The following LRRC45 variants were observed in gnomAD, a reference collection of about 807,000 sequenced individuals.
LRRC45 encodes the protein leucine-rich repeat-containing protein 45.
Under a neutral mutation model 85.4 loss-of-function variants are expected in LRRC45, and 73 were observed. That is an observed-to-expected ratio of 0.85 (90% CI 0.71 to 1.04). The LOEUF is 1.04. LRRC45 is among the 50% of genes least tolerant of loss of function. The probability of loss-of-function intolerance (pLI) is 0.00; values close to 1 mark genes in which losing one functional copy is unlikely to be tolerated. For missense variants in LRRC45, 937 were observed against 883.3 expected, an observed-to-expected ratio of 1.06 and a Z score of -0.77; for synonymous variants, 429 against 386.0, an observed-to-expected ratio of 1.11 and a Z score of -1.31.
At position 82,023,862 on chromosome 17, in the gene LRRC45, A is replaced by G; in HGVS notation, c.219A>G (p.Glu73=). The G allele has an allele frequency of 6.4e-7, 1 of 1,555,418 alleles. No homozygotes were observed. Among genetic ancestry groups the G allele is most frequent in the Non-Finnish European group, 8.7e-7 (1 of 1,151,914 alleles). Residue 73 remains glutamate (E), a splice_region_variant and synonymous_variant, in exon 1 of 17, where the codon GAA becomes GAG. Transcript: ENST00000306688. ...LVLSDCMLSE[E]GATLLLRGLC... Reference sequence around the variant, plus strand: ...TGAGTGACTGCATGCTCAGCGAGGAAGGTGGGCAGGCGCGGCGGGGTGGAT... The same window carrying G: ...TGAGTGACTGCATGCTCAGCGAGGAGGGTGGGCAGGCGCGGCGGGGTGGAT...
At chr17:82,028,800 C>T in intron 12 of LRRC45, 117 bp downstream of exon 12, 1 of 1,180,290 alleles carries the variant, frequency 8.5e-7, no homozygotes, top group Non-Finnish European at 1.2e-6. Flanking sequence ...CACTGGGTGG[C>T]CGTATTTTGC....
intron 12 of LRRC45, 113 bp downstream of exon 12, chr17:82,028,796 G>C: frequency 8.1e-7 from 1 of 1,234,406 alleles, no homozygotes; most frequent in Non-Finnish European, 1.1e-6. Flanking sequence ...GGGTCACTGG[G>C]TGGCCGTATT....
At chr17:82,027,598 C>G in intron 7 of LRRC45, 76 bp from the exon 8 acceptor site, 1 of 1,540,946 alleles carries the variant, frequency 6.5e-7, no homozygotes, top group Admixed American at 1.8e-5. Flanking sequence ...GGAACAGCAG[C>G]AGCTACCGAG....
At chr17:82,028,962 T>C (rs2043392121) in intron 12 of LRRC45, 131 bp from the exon 13 acceptor site, 1 of 850,744 alleles carries the variant, frequency 1.2e-6, no homozygotes, top group Non-Finnish European at 1.9e-6. Flanking sequence ...TGCTAGGCCA[T>C]CTGAGGCAGT....
In LRRC45 at chr17:82,023,513, C is replaced by G. The variant is rs1055798929; in HGVS notation, c.-131C>G. On this transcript the variant is annotated 5_prime_UTR_variant, in exon 1 of 17. Coordinates refer to ENST00000306688, the MANE Select transcript of LRRC45 (RefSeq NM_144999.4). ...GGACCTCCCGCCCGCGGAGCCCACT[C>G]GGATTGCTCTCCGCCCGGGTCGGCG... 2.0e-5 allele frequency: 16 copies of G among 802,666 alleles called. No homozygotes were observed. Among genetic ancestry groups the G allele is most frequent in the Non-Finnish European group, 3.0e-5 (16 of 532,226 alleles). 49.7% of individuals were successfully genotyped at this position (802,666 alleles called of 1,614,324 possible).
chr17:82,027,118 C>A (rs2043374857), intron 6 of LRRC45, 107 bp downstream of exon 6: 1 of 1,038,706 alleles, frequency 9.6e-7, no homozygotes, highest in Non-Finnish European at 1.4e-6. Flanking sequence ...TTCCTCGGGG[C>A]CCTGGAGCCT....
Position 82,024,684 on chromosome 17 carries a change from C to A in LRRC45, c.283-9C>A. 6.4e-7 allele frequency: 1 copy of A among 1,569,946 alleles called. No individual in the cohort carries two copies. Among genetic ancestry groups the A allele is most frequent in the Non-Finnish European group, 8.6e-7 (1 of 1,161,896 alleles). Reference sequence around the variant, plus strand: ...CACGCGAGTGACTACCGGCCTGTTTCTCTCCTAGGGCAACAACCTTCGGGC... The same window carrying A: ...CACGCGAGTGACTACCGGCCTGTTTATCTCCTAGGGCAACAACCTTCGGGC... On this transcript the variant is annotated splice_polypyrimidine_tract_variant and intron_variant, in intron 2 of 16. Transcript: ENST00000306688.
Position 82,031,103 on chromosome 17 carries a change from C to A in LRRC45, c.*298C>A. 1 of 357,300 alleles carries A rather than the reference C, an allele frequency of 2.8e-6. No homozygotes were observed. Among genetic ancestry groups the A allele is most frequent in the Non-Finnish European group, 5.0e-6 (1 of 199,216 alleles). The allele number at this position is 357,300 out of a possible 1,614,324, so 22.1% of individuals were successfully genotyped here. A position where few individuals can be genotyped will look rare whatever the true frequency, so the allele number is the denominator to read the frequency against. On this transcript the variant is annotated 3_prime_UTR_variant, in exon 17 of 17. Transcript: ENST00000306688. ...GATGTCACCGTGAACGCTGCGGCCGCCTGCGCGCGGCGGGGTTTGGAAATA... is the reference window on the plus strand; with the variant it reads ...GATGTCACCGTGAACGCTGCGGCCGACTGCGCGCGGCGGGGTTTGGAAATA...
rs1337059876 is a variant in LRRC45, at chr17:82,029,094, T to C, written c.1310T>C (p.Val437Ala). 2 of 1,612,050 alleles carry C rather than the reference T, an allele frequency of 1.2e-6. No individual in the cohort carries two copies. Among genetic ancestry groups the C allele is most frequent in the African/African-American group, 2.7e-5 (2 of 74,864 alleles). The change falls in exon 13 of 17, where the codon GTG becomes GCG. Residue 437 changes from valine (V) to alanine (A), a missense_variant and splice_region_variant. Coordinates refer to ENST00000306688, the MANE Select transcript of LRRC45 (RefSeq NM_144999.4). The part of the protein sequence containing the change: ...EDSESLRIKE[V>A]EHMTRHLEES... ...CCCACAATCCCTGCCCCTGAGCAGG[T>C]GGAGCATATGACCCGTCACCTGGAG...
rs1244992325 is a variant in LRRC45, at chr17:82,030,759, C to T, written c.1967C>T (p.Ala656Val). Residue 656 changes from alanine (A) to valine (V), a missense_variant, in exon 17 of 17, where the codon GCT becomes GTT. Coordinates refer to ENST00000306688, the MANE Select transcript of LRRC45 (RefSeq NM_144999.4). The part of the protein sequence containing the change: ...RASFLQNAVL[A>V]YVQASPVRTL... Reference sequence around the variant, plus strand: ...AGCTTCCTGCAGAACGCCGTCCTGGCTTACGTGCAGGCGTCCCCCGTGAGG... The same window carrying T: ...AGCTTCCTGCAGAACGCCGTCCTGGTTTACGTGCAGGCGTCCCCCGTGAGG... The T allele has an allele frequency of 6.9e-7, 1 of 1,454,882 alleles. No individual in the cohort carries two copies. Among genetic ancestry groups the T allele is most frequent in the Admixed American group, 2.2e-5 (1 of 44,864 alleles). The allele number at this position is 1,454,882 out of a possible 1,614,324, so 90.1% of individuals were successfully genotyped here.
In LRRC45 at chr17:82,030,219, G is replaced by C. The variant is rs535685763; in HGVS notation, c.1649G>C (p.Arg550Pro). 3 of 1,535,478 alleles carry C rather than the reference G, an allele frequency of 2.0e-6. No homozygotes were observed. The highest frequency in any genetic ancestry group is 2.6e-6 in the Non-Finnish European group (3 of 1,137,668). ...CTGCAAGTTGAGGGCCTGCGGCGGC[G>C]CCTGGAAGAGCTGCAGCAGGTAGGC... Reference protein sequence around the residue: ...LGLQVEGLRRRLEELQQELSL... With the variant: ...LGLQVEGLRRPLEELQQELSL... The change falls in exon 15 of 17, where the codon CGC becomes CCC. Residue 550 changes from arginine (R) to proline (P), a missense_variant. Arg to Pro is a moderately radical substitution (Grantham distance 103). Transcript: ENST00000306688.
At chr17:82,030,508 G>A (rs369485441) in intron 16 of LRRC45, 42 bp downstream of exon 16, 81 of 1,528,364 alleles carry the variant, frequency 5.3e-5, no homozygotes, top group Non-Finnish European at 6.4e-5. Context: ...CTGGTGGGAC[G>A]TGAGGCCAGC....
intron 2 of LRRC45, 110 bp downstream of exon 2, chr17:82,024,449 G>A: frequency 7.7e-7 from 1 of 1,296,326 alleles, no homozygotes; most frequent in Non-Finnish European, 1.1e-6. Flanking sequence ...GCTGGAAGCT[G>A]TCTGTGAGTC....
At chr17:82,025,539 G>A in intron 5 of LRRC45, 32 bp downstream of exon 5, 3 of 1,513,794 alleles carry the variant, frequency 2.0e-6, no homozygotes, top group African/African-American at 1.4e-5. Context: ...AGTGACGCGT[G>A]AGCCTTTGAC....
In LRRC45 at chr17:82,028,014, G is replaced by A; in HGVS notation, c.915G>A (p.Leu305=). 6.2e-7 allele frequency: 1 copy of A among 1,601,518 alleles called. No individual in the cohort carries two copies. Among genetic ancestry groups the A allele is most frequent in the Non-Finnish European group, 8.5e-7 (1 of 1,175,292 alleles). The change falls in exon 9 of 17, where the codon CTG becomes CTA. Residue 305 remains leucine, a synonymous_variant. Transcript: ENST00000306688. ...GTGCTGCCCCTCCTTTCTGCAGGCT[G>A]CAGATGACAGAGGCCGCCCTGGCTC... ...HSIINALKAK[L]QMTEAALALS...
chr17:82,024,657 G>A, intron 2 of LRRC45, 36 bp from the exon 3 acceptor site: 1 of 1,558,958 alleles, frequency 6.4e-7, no homozygotes, highest in Non-Finnish European at 8.7e-7. Context: ...AGCCAGTCAG[G>A]GCACGCGAGT....
Position 82,029,456 on chromosome 17 carries a change from C to T in LRRC45, c.1402-87C>T, listed in dbSNP as rs1244576310. On this transcript the variant is annotated intron_variant, in intron 13 of 16. Transcript: ENST00000306688. Reference sequence around the variant, plus strand: ...AGGAGGCTGGCAGAGAGGAGCCCCCCTGGCTGGGGTTGGCTGGATGGGCCA... The same window carrying T: ...AGGAGGCTGGCAGAGAGGAGCCCCCTTGGCTGGGGTTGGCTGGATGGGCCA... 6.3e-6 allele frequency: 9 copies of T among 1,425,046 alleles called. No individual in the cohort carries two copies. In the African/African-American group the frequency reaches 1.3e-4, roughly 20 times the overall value. The allele number at this position is 1,425,046 out of a possible 1,614,324, so 88.3% of individuals were successfully genotyped here.
chr17:82,029,665 G>A, intron 14 of LRRC45, 30 bp downstream of exon 14: 1 of 1,547,984 alleles, frequency 6.5e-7, no homozygotes, highest in Non-Finnish European at 8.7e-7. Context: ...CACCCTCCGG[G>A]GGAGCCAGGC....
At chr17:82,024,085 C>T (rs919225271) in intron 1 of LRRC45, 193 bp from the exon 2 acceptor site, 47 of 752,282 alleles carry the variant, frequency 6.2e-5, no homozygotes, top group Admixed American at 2.3e-4. Context: ...GCGTGCAGAG[C>T]CGGCTTGGTG....
Sources: gnomAD v4.1 joint callset for allele counts on GRCh38, gnomAD v4.1.1 for gene constraint, MANE v1.5 for transcripts, NCBI Gene and HGNC (gene_info 2026-07-23, HGNC 2026-07-21) for gene names.